The following LRRK2 variants were observed in gnomAD, a reference collection of about 807,000 sequenced individuals.
LRRK2 encodes leucine rich repeat kinase 2.
LRRK2 carries 203 observed loss-of-function variants against 302.6 expected under a neutral mutation model. The observed-to-expected ratio is 0.67, with a 90% CI of 0.60 to 0.75. The LOEUF (loss-of-function observed/expected upper bound fraction) is 0.75, where lower values mean the gene tolerates loss of function less well. Among genes scored for constraint, LRRK2 ranks in the 30% least tolerant of loss-of-function variants. LRRK2 has a pLI of 0.00. For synonymous variants in LRRK2, 1,066 were observed against 1,031.9 expected, an observed-to-expected ratio of 1.03 and a Z score of -0.63; for missense variants, 2,830 against 2,951.0, an observed-to-expected ratio of 0.96 and a Z score of 0.95.
rs1330248294 is a variant in LRRK2 at position 40,354,280 on chromosome 12, TA to T, written c.6577-18del. 6.2e-7 allele frequency: 1 copy of T among 1,604,736 alleles called. No homozygotes were observed. Among genetic ancestry groups the T allele is most frequent in the Non-Finnish European group, 8.5e-7 (1 of 1,172,388 alleles). ...AGCTTAAATCAAATCCTGCTAAGTATATTTTCTTTTCTTAACAGGAAGTTGC... is the reference window on the plus strand; with the variant it reads ...AGCTTAAATCAAATCCTGCTAAGTATTTTTCTTTTCTTAACAGGAAGTTGC... On this transcript the variant is annotated intron_variant, in intron 44 of 50. Transcript: ENST00000298910.
intron 41 of LRRK2, among the ~76,000 whole-genome samples, chr12:40,341,064 T>C (rs1313374172): frequency 1.3e-5 from 2 of 152,204 alleles, no homozygotes; most frequent in Non-Finnish European, 2.9e-5. Context: ...TGTGGAATCT[T>C]ACCTCCCTTT....
At chr12:40,289,539 T>C (rs892974311) in intron 20 of LRRK2, among the ~76,000 whole-genome samples, 1 of 148,926 alleles carries the variant, frequency 6.7e-6, no homozygotes, top group Non-Finnish European at 1.5e-5. Context: ...ATATAATTAA[T>C]ACATAAATAA....
intron 25 of LRRK2, 39 bp downstream of exon 25, chr12:40,299,296 C>T: frequency 6.2e-7 from 1 of 1,609,030 alleles, no homozygotes; most frequent in Non-Finnish European, 8.5e-7. Context: ...ACCAGGCCCT[C>T]TAAGTTGTAC....
At chr12:40,237,740 A>G (rs200731064) in intron 4 of LRRK2, among the ~76,000 whole-genome samples, 2 of 152,198 alleles carry the variant, frequency 1.3e-5, no homozygotes, top group East Asian at 1.9e-4. Context: ...ATGAAATTAT[A>G]GTAAAGTGAA....
In LRRK2 at chr12:40,257,865, C is replaced by T. The variant is rs145167540; in HGVS notation, c.1418+488C>T. On this transcript the variant is annotated intron_variant, in intron 12 of 50. Transcript: ENST00000298910. ...AGAGATGCTAAGATTATATAGCTGG[C>T]GGTTAGTGGCACAACAGAGACCATA... 1.6e-4 allele frequency among the ~76,000 whole-genome samples: 23 copies of T among 145,948 alleles called. No individual in the cohort carries two copies. In the East Asian group the frequency reaches 2.3e-3, roughly 15 times the overall value.
At chr12:40,251,967 C>T (rs1942294994) in intron 10 of LRRK2, among the ~76,000 whole-genome samples, 1 of 152,124 alleles carries the variant, frequency 6.6e-6, no homozygotes, top group African/African-American at 2.4e-5. Context: ...TGATGAGTTC[C>T]CAACTGATGT....
At chr12:40,293,906 T>TATATATATATATATATATATATAC (rs1944266384) in intron 21 of LRRK2, among the ~76,000 whole-genome samples, 2 of 150,608 alleles carry the variant, frequency 1.3e-5, no homozygotes, top group Non-Finnish European at 3.0e-5. Flanking sequence ...CATATATATA[T>TATATATATATATATATATATATAC]ATATATATAC....
chr12:40,360,503 C>T (rs1300992135), intron 47 of LRRK2, among the ~76,000 whole-genome samples: 1 of 152,070 alleles, frequency 6.6e-6, no homozygotes, highest in East Asian at 1.9e-4. Flanking sequence ...GACTGCCATC[C>T]ATTATCTGTG....
intron 18 of LRRK2, 66 bp downstream of exon 18, chr12:40,278,327 T>C: frequency 6.4e-7 from 1 of 1,556,226 alleles, no homozygotes; most frequent in Non-Finnish European, 8.9e-7. Context: ...AGCCCTGCCA[T>C]TGTGTATCTC....
Position 40,283,930 on chromosome 12 carries a change from C to G in LRRK2, c.2297C>G (p.Ser766Cys). ...GTGGAACTCTTACTGAATAGTGGAT[C>G]TCGTGAACAAGATGTACGAAAAGCG... ...KLVELLLNSGSREQDVRKALT... is the reference protein window; with the variant it reads ...KLVELLLNSGCREQDVRKALT... The change falls in exon 19 of 51, where the codon TCT becomes TGT. Residue 766 changes from serine (S) to cysteine (C), a missense_variant. Around this residue, in one of 3 missense-constraint regions of LRRK2, gnomAD observed 2,121 missense variants for 2,148.0 expected, o/e 0.99. Coordinates refer to ENST00000298910, the MANE Select transcript of LRRK2 (RefSeq NM_198578.4). 6.2e-7 allele frequency: 1 copy of G among 1,613,718 alleles called. No individual in the cohort carries two copies.
At chr12:40,302,529 T>C (rs1327232963) in intron 25 of LRRK2, among the ~76,000 whole-genome samples, 1 of 152,166 alleles carries the variant, frequency 6.6e-6, no homozygotes, top group Non-Finnish European at 1.5e-5. Flanking sequence ...TTTGTACAAA[T>C]GTTGGGTAGA....
chr12:40,285,861 G>T (rs888607049), intron 19 of LRRK2, among the ~76,000 whole-genome samples: 1 of 152,008 alleles, frequency 6.6e-6, no homozygotes, highest in Non-Finnish European at 1.5e-5. Context: ...TGATGAAAAT[G>T]CAACTGGAAT....
At position 40,319,861 on chromosome 12, in the gene LRRK2, G is replaced by A. The variant is rs1945345045; in HGVS notation, c.4828-127G>A. ...ATGGTTGCTAGAGAAATTAGGTACT[G>A]TGTTGCACTTGAAAACACTAAAATC... On this transcript the variant is annotated intron_variant, in intron 33 of 50. Transcript: ENST00000298910. The A allele has an allele frequency of 6.1e-6, 5 of 816,478 alleles. 1 individual carries two copies. The highest frequency in any genetic ancestry group is 3.7e-5 in the South Asian group (2 of 54,582). 50.6% of individuals were successfully genotyped at this position (816,478 alleles called of 1,614,324 possible). A position where few individuals can be genotyped will look rare whatever the true frequency, so the allele number is the denominator to read the frequency against.
intron 43 of LRRK2, among the ~76,000 whole-genome samples, chr12:40,348,837 T>C (rs1476423017): frequency 6.6e-6 from 1 of 152,086 alleles, no homozygotes; most frequent in African/African-American, 2.4e-5. Flanking sequence ...TTTCTTGGTT[T>C]TATATGTTGC....
intron 40 of LRRK2, among the ~76,000 whole-genome samples, chr12:40,340,067 T>A (rs565158696): frequency 6.6e-6 from 1 of 152,358 alleles, no homozygotes; most frequent in East Asian, 1.9e-4. Context: ...AAAATTGAAA[T>A]CATTCACTTA....
At chr12:40,366,329 A>G (rs1440493568) in intron 49 of LRRK2, 1 of 151,912 alleles carries the variant, frequency 6.6e-6, no homozygotes, top group Non-Finnish European at 1.5e-5. Context: ...AAAACCTCTG[A>G]GAAGCCAACA....
intron 13 of LRRK2, 50 bp from the exon 14 acceptor site, chr12:40,263,739 C>G: frequency 2.9e-6 from 4 of 1,356,554 alleles, no homozygotes; most frequent in Non-Finnish European, 4.2e-6. Context: ...CTGTTCAACT[C>G]AAATGTTTAT....
intron 31 of LRRK2, among the ~76,000 whole-genome samples, chr12:40,312,006 T>C (rs1248408708): frequency 2.0e-5 from 3 of 152,058 alleles, no homozygotes. Flanking sequence ...AATAACTTTG[T>C]TGTTACTGAG....
At chr12:40,313,602 ATATCT>A (rs1407899592) in intron 31 of LRRK2, among the ~76,000 whole-genome samples, 6 of 151,942 alleles carry the variant, frequency 3.9e-5, no homozygotes, top group East Asian at 1.9e-4. Flanking sequence ...ATTTGTACTG[ATATCT>A]TATACTAGCG....
Sources: gnomAD v4.1 joint callset for allele counts (sites outside exome capture counted in the v4.1 genomes callset) on GRCh38, gnomAD v4.1.1 for gene constraint, gnomAD v4.1.1 regional missense constraint, MANE v1.5 for transcripts, NCBI Gene and HGNC (gene_info 2026-07-23, HGNC 2026-07-21) for gene names.